The following TRPM3 variants were observed in gnomAD, a reference collection of about 807,000 sequenced individuals.
The protein encoded by TRPM3 is transient receptor potential cation channel subfamily M member 3, also known as long transient receptor potential channel 3.
A neutral mutation model predicts 181.2 loss-of-function variants in TRPM3; 77 were observed. That is an observed-to-expected ratio of 0.42 (90% CI 0.35 to 0.51). TRPM3 has a LOEUF of 0.51. Ranked by LOEUF, TRPM3 falls within the 20% of genes least tolerant of loss-of-function variation. The pLI is 0.01. For missense variants in TRPM3, 1,759 were observed against 2,196.7 expected, an observed-to-expected ratio of 0.80 and a Z score of 3.98; for synonymous variants, 745 against 796.4, an observed-to-expected ratio of 0.94 and a Z score of 1.09.
chr9:70,918,312 T>C (rs2096621909), intron 1 of TRPM3, among the ~76,000 whole-genome samples: 1 of 152,162 alleles, frequency 6.6e-6, no homozygotes, highest in Non-Finnish European at 1.5e-5. Flanking sequence ...CCAATGGATG[T>C]AGAATACACA....
rs2042294673 is a variant in TRPM3, at chr9:70,538,263, C to A, written c.3708-858G>T. 2.6e-5 allele frequency among the ~76,000 whole-genome samples: 4 copies of A among 152,280 alleles called. No homozygotes were observed. In the South Asian group the frequency reaches 8.3e-4, roughly 32 times the overall value. On this transcript the variant is annotated intron_variant, in intron 25 of 25. Transcript: ENST00000677713. ...TTATTGCTAGAACTCTCTATCCTCCCATTGGAAATTCTTTTCTTTTTAAAA... is the reference window on the plus strand; with the variant it reads ...TTATTGCTAGAACTCTCTATCCTCCAATTGGAAATTCTTTTCTTTTTAAAA...
intron 9 of TRPM3, among the ~76,000 whole-genome samples, chr9:70,677,886 C>A (rs2064407366): frequency 6.6e-6 from 1 of 151,682 alleles, no homozygotes. Flanking sequence ...TACAGCACTC[C>A]TAGTGAAGTT....
intron 1 of TRPM3, among the ~76,000 whole-genome samples, chr9:71,192,429 T>C (rs891977729): frequency 1.3e-5 from 2 of 151,860 alleles, no homozygotes; most frequent in Non-Finnish European, 2.9e-5. Flanking sequence ...ATGTTATCTT[T>C]TGACATTTTG....
chr9:70,541,791 A>G lies in TRPM3; in HGVS notation c.3708-4386T>C, dbSNP rs546263200. On this transcript the variant is annotated intron_variant, in intron 25 of 25. Transcript: ENST00000677713. The stretch of plus-strand genomic sequence containing the variant: ...CTCCCAAAGTGCTGGGATTACAGGC[A>G]TGAGCCACTGCACCTGGCCTTCCTT... Among the ~76,000 whole-genome samples, 78 of 152,258 alleles carry G rather than the reference A, an allele frequency of 5.1e-4. 1 individual carries two copies. The highest frequency in any genetic ancestry group is 1.7e-3 in the African/African-American group (69 of 41,570).
In TRPM3 at chr9:71,176,279, A is replaced by T. The variant is rs62546790; in HGVS notation, c.183+270374T>A. Reference sequence around the variant, plus strand: ...TTGCCCCTGAAGACCTTCCAGTGGGACAAGATGTGGAGGTAAAAGACAGTG... The same window carrying T: ...TTGCCCCTGAAGACCTTCCAGTGGGTCAAGATGTGGAGGTAAAAGACAGTG... On this transcript the variant is annotated intron_variant, in intron 1 of 24. Transcript: ENST00000357533. Among the ~76,000 whole-genome samples the T allele has an allele frequency of 3.9e-3, 601 of 152,248 alleles. 4 individuals are homozygous for T. Among genetic ancestry groups the T allele is most frequent in the Middle Eastern group, 0.02 (6 of 294 alleles).
At chr9:71,068,259 G>T (rs1028171443) in intron 1 of TRPM3, among the ~76,000 whole-genome samples, 4 of 152,066 alleles carry the variant, frequency 2.6e-5, no homozygotes, top group African/African-American at 7.2e-5. Context: ...TTCAATTCTT[G>T]GTACACTCAG....
At chr9:70,648,632 C>CA (rs61602802) in intron 9 of TRPM3, among the ~76,000 whole-genome samples, 57,815 of 147,712 alleles carry the variant, frequency 0.39, 11,579 homozygotes, top group African/African-American at 0.5. Context: ...CATACTAGTA[C>CA]AAAAAAAAAA....
intron 1 of TRPM3, among the ~76,000 whole-genome samples, chr9:71,063,391 A>G (rs1316936875): frequency 1.3e-5 from 2 of 152,158 alleles, no homozygotes; most frequent in Non-Finnish European, 2.9e-5. Context: ...TGAAAGTGAC[A>G]TGGTCCTTGA....
intron 1 of TRPM3, among the ~76,000 whole-genome samples, chr9:71,255,327 TAAAC>T (rs912212903): frequency 2.6e-5 from 4 of 152,168 alleles, no homozygotes; most frequent in African/African-American, 4.8e-5. Context: ...GAAACAAAAG[TAAAC>T]AAAAATTTTA....
chr9:71,266,323 A>G (rs1481681898), intron 1 of TRPM3, among the ~76,000 whole-genome samples: 1 of 152,172 alleles, frequency 6.6e-6, no homozygotes, highest in Non-Finnish European at 1.5e-5. Context: ...AGTAATTTTT[A>G]TATCATGAGG....
intron 1 of TRPM3, among the ~76,000 whole-genome samples, chr9:71,221,450 A>G (rs1214431072): frequency 6.6e-6 from 1 of 152,234 alleles, no homozygotes; most frequent in African/African-American, 2.4e-5. Flanking sequence ...TAATATATCT[A>G]AAAGCATTAA....
At chr9:71,184,652 A>G (rs575338932) in intron 1 of TRPM3, among the ~76,000 whole-genome samples, 8 of 152,206 alleles carry the variant, frequency 5.3e-5, no homozygotes, top group South Asian at 4.1e-4. Context: ...CTTTGGCAAC[A>G]TTACGAAGGA....
At chr9:70,849,508 G>T (rs1388406412) in intron 3 of TRPM3, among the ~76,000 whole-genome samples, 1 of 152,104 alleles carries the variant, frequency 6.6e-6, no homozygotes, top group African/African-American at 2.4e-5. Context: ...GATGATCTGG[G>T]TTGTAAGGTA....
intron 1 of TRPM3, among the ~76,000 whole-genome samples, chr9:71,377,516 A>T (rs1275198955): frequency 2.0e-5 from 3 of 152,070 alleles, no homozygotes; most frequent in African/African-American, 4.8e-5. Flanking sequence ...ACCATGAGAC[A>T]GTTCTGTAGC....
chr9:71,181,872 T>A (rs2077424210), intron 1 of TRPM3, among the ~76,000 whole-genome samples: 1 of 152,132 alleles, frequency 6.6e-6, no homozygotes, highest in African/African-American at 2.4e-5. Flanking sequence ...TTTCCAGCAC[T>A]ACCTGTGTCA....
chr9:71,050,694 C>T (rs189547842), intron 1 of TRPM3, among the ~76,000 whole-genome samples: 4 of 152,350 alleles, frequency 2.6e-5, no homozygotes, highest in African/African-American at 4.8e-5. Context: ...ACATTCGAAA[C>T]TCTGGTGCAC....
chr9:71,161,245 T>C (rs1441078033), intron 1 of TRPM3, among the ~76,000 whole-genome samples: 1 of 152,168 alleles, frequency 6.6e-6, no homozygotes, highest in Non-Finnish European at 1.5e-5. Context: ...TTACCTCTGG[T>C]TTGGCCTCAC....
intron 18 of TRPM3, 149 bp from the exon 19 acceptor site, chr9:70,610,898 G>A: frequency 1.2e-6 from 1 of 846,204 alleles, no homozygotes; most frequent in South Asian, 1.8e-5. Context: ...CCCTAAGAGT[G>A]CATTTGCACT....
chr9:71,025,885 T>A (rs796919732), intron 1 of TRPM3, among the ~76,000 whole-genome samples: 7 of 152,156 alleles, frequency 4.6e-5, no homozygotes, highest in African/African-American at 1.7e-4. Context: ...AGGGAAGACA[T>A]AGATGCTGGG....
Sources: gnomAD v4.1 joint callset for allele counts (sites outside exome capture counted in the v4.1 genomes callset) on GRCh38, gnomAD v4.1.1 for gene constraint, MANE v1.5 for transcripts, NCBI Gene and HGNC (gene_info 2026-07-23, HGNC 2026-07-21) for gene names.